Variants in NDUFAF6 observed in about 807,000 individuals in gnomAD.
NDUFAF6 encodes NADH:ubiquinone oxidoreductase complex assembly factor 6.
Under a neutral mutation model 40.8 loss-of-function variants are expected in NDUFAF6, and 45 were observed. That is an observed-to-expected ratio of 1.10 (90% confidence interval 0.87 to 1.42). NDUFAF6 has a LOEUF of 1.42. Among genes scored for constraint, NDUFAF6 ranks in the 40% most tolerant of loss-of-function variants. The pLI, the probability that NDUFAF6 is intolerant of heterozygous loss-of-function variation, is 0.00. For missense variants in NDUFAF6, 435 were observed against 418.5 expected (o/e 1.04, Z -0.34); for synonymous variants, 185 against 155.9 (o/e 1.19, Z -1.39).
At chr8:94,948,744 G>GA (rs1286927056) in intron 2 of NDUFAF6, among the ~76,000 whole-genome samples, 5 of 152,196 alleles carry the variant, frequency 3.3e-5, no homozygotes, top group Non-Finnish European at 1.5e-5. Flanking sequence ...CAACGGCCGA[G>GA]AGCAGGCGGA....
At chr8:95,069,822 T>G (rs1349286527) in intron 9 of NDUFAF6, among the ~76,000 whole-genome samples, 1 of 145,324 alleles carries the variant, frequency 6.9e-6, no homozygotes, top group East Asian at 1.9e-4. Flanking sequence ...AATATATATA[T>G]ATATAATATA....
intron 1 of NDUFAF6, among the ~76,000 whole-genome samples, chr8:94,904,461 C>T (rs1024505745): frequency 1.3e-5 from 2 of 150,460 alleles, no homozygotes; most frequent in Admixed American, 1.3e-4. Context: ...GAGGTGTGAG[C>T]CACCGCGCCT....
intron 3 of NDUFAF6, among the ~76,000 whole-genome samples, chr8:95,037,756 T>G (rs545152947): frequency 6.6e-6 from 1 of 152,222 alleles, no homozygotes; most frequent in African/African-American, 2.4e-5. Context: ...ATCCCTAGAT[T>G]TTATGTTTCA....
intron 2 of NDUFAF6, among the ~76,000 whole-genome samples, chr8:95,012,702 T>C (rs1386245775): frequency 2.0e-5 from 3 of 150,866 alleles, no homozygotes; most frequent in African/African-American, 7.3e-5. Context: ...TGGTGGCACA[T>C]GCCTGTGGTC....
intron 2 of NDUFAF6, among the ~76,000 whole-genome samples, chr8:95,092,605 G>GTC (rs1809295922): frequency 8.0e-6 from 1 of 124,784 alleles, no homozygotes; most frequent in Non-Finnish European, 1.6e-5. Flanking sequence ...TTTTTTTTGA[G>GTC]ATAGAGTCTC....
intron 1 of NDUFAF6, among the ~76,000 whole-genome samples, chr8:94,919,263 C>A (rs951270877): frequency 1.7e-4 from 26 of 152,112 alleles, no homozygotes; most frequent in African/African-American, 5.1e-4. Context: ...CTCACTTCAG[C>A]CTTGATCTCG....
chr8:95,019,805 T>C (rs1263667489), intron 2 of NDUFAF6, among the ~76,000 whole-genome samples: 1 of 152,244 alleles, frequency 6.6e-6, no homozygotes, highest in African/African-American at 2.4e-5. Context: ...GCCCCTTCCA[T>C]ACTACGTGTA....
intron 3 of NDUFAF6, among the ~76,000 whole-genome samples, chr8:95,038,706 C>T (rs780957300): frequency 2.6e-5 from 4 of 151,764 alleles, no homozygotes; most frequent in African/African-American, 4.8e-5. Context: ...TGAGACGGAG[C>T]TTTGCTGTGT....
intron 1 of NDUFAF6, chr8:94,932,060 A>T: frequency 6.2e-7 from 1 of 1,608,642 alleles, no homozygotes; most frequent in Non-Finnish European, 8.5e-7. Flanking sequence ...CTCAAAGTGA[A>T]TATACTTACT....
At chr8:95,105,996 C>T (rs913336920), downstream of NDUFAF6, among the ~76,000 whole-genome samples, 1 of 151,936 alleles carries the variant, frequency 6.6e-6, no homozygotes, top group Non-Finnish European at 1.5e-5. Flanking sequence ...TGTGTATGGA[C>T]CAGGTGCGGT....
intron 5 of NDUFAF6, chr8:95,115,761 A>G (rs1810118902): frequency 6.6e-6 from 1 of 152,250 alleles, no homozygotes; most frequent in Non-Finnish European, 1.5e-5. Flanking sequence ...TGCTCCAAAC[A>G]TGACTGCTTG....
intron 2 of NDUFAF6, among the ~76,000 whole-genome samples, chr8:95,006,759 A>C (rs765508780): frequency 6.6e-6 from 1 of 152,002 alleles, no homozygotes; most frequent in Non-Finnish European, 1.5e-5. Context: ...GCACGCCTGC[A>C]TTCCCAGCTA....
intron 1 of NDUFAF6, among the ~76,000 whole-genome samples, chr8:94,969,976 G>A (rs1239930646): frequency 6.6e-6 from 1 of 152,154 alleles, no homozygotes; most frequent in Non-Finnish European, 1.5e-5. Context: ...CTTAAGATGG[G>A]CTGGGCACAG....
intron 2 of NDUFAF6, among the ~76,000 whole-genome samples, chr8:94,998,720 G>A (rs1826575404): frequency 6.6e-6 from 1 of 152,186 alleles, no homozygotes; most frequent in African/African-American, 2.4e-5. Context: ...TGGAAGGGGA[G>A]GTGGATGCAC....
intron 1 of NDUFAF6, among the ~76,000 whole-genome samples, chr8:94,914,753 C>A (rs1484394262): frequency 6.6e-6 from 1 of 151,470 alleles, no homozygotes; most frequent in Admixed American, 6.6e-5. Context: ...CCCGTCTCTA[C>A]TAAAAATACA....
chr8:95,117,665 C>T (rs555229668), downstream of NDUFAF6, among the ~76,000 whole-genome samples: 1 of 152,296 alleles, frequency 6.6e-6, no homozygotes, highest in South Asian at 2.1e-4. Flanking sequence ...TCTTAGCTTT[C>T]CTTTTAGTTA....
chr8:94,972,612 A>G (rs1057071300), intron 1 of NDUFAF6, among the ~76,000 whole-genome samples: 3 of 152,120 alleles, frequency 2.0e-5, no homozygotes, highest in African/African-American at 4.8e-5. Flanking sequence ...ATTAAGTACA[A>G]TTTAAAAATT....
intron 1 of NDUFAF6, among the ~76,000 whole-genome samples, chr8:94,935,803 C>T (rs1019183320): frequency 1.4e-4 from 21 of 152,198 alleles, no homozygotes; most frequent in African/African-American, 4.8e-4. Context: ...GTGAGCTTTA[C>T]GTAAAGAAGT....
chr8:94,979,122 C>T (rs906693515), intron 1 of NDUFAF6, among the ~76,000 whole-genome samples: 10 of 152,176 alleles, frequency 6.6e-5, no homozygotes, highest in Non-Finnish European at 1.2e-4. Context: ...AAACTGAGAG[C>T]CGTCCTGAGG....
Sources: allele counts gnomAD v4.1 joint callset (sites outside exome capture counted in the v4.1 genomes callset), GRCh38; gene constraint gnomAD v4.1.1; transcripts MANE v1.5; gene names NCBI Gene and HGNC (gene_info 2026-07-23, HGNC 2026-07-21).